The following CACNB1 variants were observed in gnomAD, a reference collection of about 807,000 sequenced individuals.
CACNB1 encodes the protein calcium voltage-gated channel auxiliary subunit beta 1.
In CACNB1, 29 loss-of-function variants were observed where a neutral mutation model predicts 71.6. The ratio of observed to expected loss-of-function variants is 0.40; its 90% CI spans 0.30 to 0.55. The LOEUF (loss-of-function observed/expected upper bound fraction) is 0.55. CACNB1 is among the 20% of genes least tolerant of loss of function. The pLI is 0.38. For synonymous variants in CACNB1, 300 were observed against 319.6 expected (o/e 0.94, Z 0.65); for missense variants, 623 against 801.8 (o/e 0.78, Z 2.69).
rs1055130118 is a variant in CACNB1 at position 39,186,485 on chromosome 17, A to G, written c.628+11T>C. 1.9e-6 allele frequency: 3 copies of G among 1,608,374 alleles called. No individual in the cohort carries two copies. Among genetic ancestry groups the G allele is most frequent in the Non-Finnish European group, 2.6e-6 (3 of 1,175,840 alleles). ...CTTCTTCCCAAACCCCTGCATGGCG[A>G]TGGCTCTTACCACTGGCAGGGGGTG... On this transcript the variant is annotated intron_variant, in intron 6 of 13. Transcript: ENST00000394303. This position sits in a 1 kb window ranked among gnomAD's most constrained non-coding sequence, Gnocchi z 4.1.
chr17:39,176,948 A>G (rs1344304116), intron 13 of CACNB1, among the ~76,000 whole-genome samples: 1 of 152,160 alleles, frequency 6.6e-6, no homozygotes, highest in Non-Finnish European at 1.5e-5. Flanking sequence ...TGTTGGGTCT[A>G]AAAAGGGTGT....
intron 13 of CACNB1, chr17:39,177,066 C>G (rs1226852868): frequency 7.3e-7 from 1 of 1,368,544 alleles, no homozygotes; most frequent in Non-Finnish European, 9.5e-7. Flanking sequence ...AGATGCGCTC[C>G]TATGGCACCA....
rs1203293577 is a variant in CACNB1 at position 39,186,883 on chromosome 17, C to T, written c.461G>A (p.Cys154Tyr). ...WWIGRLVKEG[C>Y]EVGFIPSPVK... ...GGGGCTGGGAATGAAGCCAACCTCA[C>T]AGCCCTCCTTCACCAGCCGCCCGAT... Residue 154 changes from cysteine to tyrosine, a missense_variant, in exon 5 of 14, where the codon TGT becomes TAT. By Grantham distance (194) the Cys-to-Tyr change is radical (BLOSUM62 -2). Coordinates refer to ENST00000394303, the MANE Select transcript of CACNB1 (RefSeq NM_000723.5). The surrounding 1 kb of genome is among the most constrained non-coding windows in gnomAD (Gnocchi z 4.1). 6.2e-7 allele frequency: 1 copy of T among 1,613,982 alleles called. No homozygotes were observed. The highest frequency in any genetic ancestry group is 1.3e-5 in the African/African-American group (1 of 74,924).
rs376962483 is a variant in CACNB1, at chr17:39,185,688, G to A, written c.629-538C>T. Reference sequence around the variant, plus strand: ...CCCCTGGGAGTGAGGGGAGAGGTCAGGGTTCATGACCACCAAACCCTGCTG... The same window carrying A: ...CCCCTGGGAGTGAGGGGAGAGGTCAAGGTTCATGACCACCAAACCCTGCTG... On this transcript the variant is annotated intron_variant, in intron 6 of 13. Transcript: ENST00000394303. 5.9e-5 allele frequency among the ~76,000 whole-genome samples: 9 copies of A among 152,206 alleles called. No homozygotes were observed. The South Asian group carries it at 1.9e-3, about 32-fold the overall frequency.
chr17:39,181,992 C>G (rs935662563), intron 11 of CACNB1, among the ~76,000 whole-genome samples: 12 of 151,960 alleles, frequency 7.9e-5, no homozygotes, highest in African/African-American at 2.9e-4. Flanking sequence ...AAAATCCCGT[C>G]TCTACTAAAA....
intron 12 of CACNB1, among the ~76,000 whole-genome samples, 196 bp from the exon 13 acceptor site, chr17:39,177,731 C>T (rs906315664): frequency 1.3e-5 from 2 of 152,132 alleles, no homozygotes; most frequent in African/African-American, 4.8e-5. Flanking sequence ...GGCACTCAGT[C>T]CAACTCCCTC....
chr17:39,175,044 C>A lies in CACNB1; in HGVS notation c.*149G>T. The A allele has an allele frequency of 1.4e-6, 1 of 701,514 alleles. No individual in the cohort carries two copies. The allele number at this position is 701,514 out of a possible 1,614,324, so 43.5% of individuals were successfully genotyped here. On this transcript the variant is annotated 3_prime_UTR_variant, in exon 14 of 14. Coordinates refer to ENST00000394303, the MANE Select transcript of CACNB1 (RefSeq NM_000723.5). This position sits in a 1 kb window ranked among gnomAD's most constrained non-coding sequence, Gnocchi z 4.7. Reference sequence around the variant, plus strand: ...GGCCTCCCGGGAGCTGGGATGGTAACACCAAAGAAACCCCAAGCTTTGAGC... The same window carrying A: ...GGCCTCCCGGGAGCTGGGATGGTAAAACCAAAGAAACCCCAAGCTTTGAGC...
intron 3 of CACNB1, among the ~76,000 whole-genome samples, chr17:39,191,039 C>G (rs2046065039): frequency 6.6e-6 from 1 of 151,602 alleles, no homozygotes; most frequent in Non-Finnish European, 1.5e-5. Flanking sequence ...CCCGTCTCTA[C>G]TAAAAATACA....
chr17:39,180,520 T>C (rs1163447353), intron 11 of CACNB1, among the ~76,000 whole-genome samples: 1 of 151,396 alleles, frequency 6.6e-6, no homozygotes, highest in Non-Finnish European at 1.5e-5. Flanking sequence ...CCAGGTGTGG[T>C]GGTGGGCGCC....
Position 39,197,570 on chromosome 17 carries a change from C to A in CACNB1, c.-75G>T. The A allele has an allele frequency of 8.6e-7, 1 of 1,167,430 alleles. No homozygotes were observed. The allele number at this position is 1,167,430 out of a possible 1,614,324, so 72.3% of individuals were successfully genotyped here. ...CAGCGCATGGGAGAGGCCGTGGGAG[C>A]CGAAAGCAGCGCGGCGCAGCCAGCA... is the stretch of plus-strand genomic sequence containing the variant. On this transcript the variant is annotated 5_prime_UTR_variant, in exon 1 of 14. Transcript: ENST00000394303.
chr17:39,180,610 G>A (rs2144102749), intron 11 of CACNB1, among the ~76,000 whole-genome samples: 1 of 151,276 alleles, frequency 6.6e-6, no homozygotes, highest in East Asian at 1.9e-4. Context: ...AGCCAATATT[G>A]TACCACTGCA....
At chr17:39,180,935 A>G (rs1292567069) in intron 11 of CACNB1, among the ~76,000 whole-genome samples, 2 of 152,086 alleles carry the variant, frequency 1.3e-5, no homozygotes, top group Non-Finnish European at 2.9e-5. Context: ...ATAAAATGTT[A>G]AAAAGTTAGT....
intron 3 of CACNB1, among the ~76,000 whole-genome samples, chr17:39,189,357 C>T (rs904988113): frequency 4.6e-5 from 7 of 151,158 alleles, no homozygotes; most frequent in East Asian, 2.0e-4. Flanking sequence ...AGCAAGACTC[C>T]GTCTCAAAAT....
intron 2 of CACNB1, chr17:39,193,174 GCA>G (rs567836901): frequency 7.2e-6 from 2 of 277,682 alleles, no homozygotes; most frequent in Non-Finnish European, 1.4e-5. Context: ...ACAGTTACAT[GCA>G]CACACACAGA....
Position 39,186,903 on chromosome 17 carries a change from C to T in CACNB1, c.441G>A (p.Gly147=), listed in dbSNP as rs764859569. 8.1e-6 allele frequency: 13 copies of T among 1,614,002 alleles called. No homozygotes were observed. Among genetic ancestry groups the T allele is most frequent in the Admixed American group, 1.7e-5 (1 of 59,988 alleles). Residue 147 remains glycine, a synonymous_variant, in exon 5 of 14, where the codon GGG becomes GGA. Transcript: ENST00000394303. This position sits in a 1 kb window ranked among gnomAD's most constrained non-coding sequence, Gnocchi z 4.1. ...KEKYNNDWWI[G]RLVKEGCEVG... is the part of the protein sequence containing the mutation. ...CCTCACAGCCCTCCTTCACCAGCCG[C>T]CCGATCCACCAGTCATTATTGTATT... is the stretch of plus-strand genomic sequence containing the variant.
chr17:39,195,069 A>G, intron 1 of CACNB1, 99 bp from the exon 2 acceptor site: 1 of 774,106 alleles, frequency 1.3e-6, no homozygotes, highest in Non-Finnish European at 2.2e-6. Flanking sequence ...TGGGAACAGC[A>G]CTCCCAGCCC....
Position 39,183,958 on chromosome 17 carries a change from TACCTCCCAC to T in CACNB1, c.898+64_898+72del, listed in dbSNP as rs1180013691. ...CACTTCTGGAGATGGCCCTGCCCAC[TACCTCCCAC>T]ACCTCCCACCCCTCCCACATCCGGC... On this transcript the variant is annotated intron_variant, in intron 10 of 13. Transcript: ENST00000394303. 10 of 1,547,656 alleles carry T rather than the reference TACCTCCCAC, an allele frequency of 6.5e-6. No homozygotes were observed. In the African/African-American group the frequency reaches 8.2e-5, roughly 13 times the overall value.
Position 39,197,592 on chromosome 17 carries a change from A to G in CACNB1, c.-97T>C. 1 of 920,466 alleles carries G rather than the reference A, an allele frequency of 1.1e-6. No homozygotes were observed. The highest frequency in any genetic ancestry group is 1.6e-6 in the Non-Finnish European group (1 of 628,520). The allele number at this position is 920,466 out of a possible 1,614,324, so 57.0% of individuals were successfully genotyped here. ...GAGCCGAAAGCAGCGCGGCGCAGCC[A>G]GCACCCGGTCCAGCCACCCAGCTCG... is the stretch of plus-strand genomic sequence containing the variant. On this transcript the variant is annotated 5_prime_UTR_variant, in exon 1 of 14. Transcript: ENST00000394303.
Position 39,184,813 on chromosome 17 carries a change from G to C in CACNB1, c.700C>G (p.Leu234Val). The C allele has an allele frequency of 3.7e-6, 6 of 1,612,634 alleles. No individual in the cohort carries two copies. Among genetic ancestry groups the C allele is most frequent in the Non-Finnish European group, 5.1e-6 (6 of 1,178,858 alleles). Residue 234 changes from leucine (L) to valine (V), a missense_variant, in exon 8 of 14, where the codon CTG becomes GTG. Coordinates refer to ENST00000394303, the MANE Select transcript of CACNB1 (RefSeq NM_000723.5). ...DVVPSMRPII[L>V]VGPSLKGYEV... ...TAGCCCTTGAGCGACGGTCCCACCA[G>C]GATGATGGGCCTCATGGAAGGCACC... is the stretch of plus-strand genomic sequence containing the variant.
Sources: allele counts gnomAD v4.1 joint callset (sites outside exome capture counted in the v4.1 genomes callset), GRCh38; gene constraint gnomAD v4.1.1; non-coding constraint Gnocchi (gnomAD v3.1); transcripts MANE v1.5; gene names NCBI Gene and HGNC (gene_info 2026-07-23, HGNC 2026-07-21).